LRRC53: variants seen among roughly 807,000 people sequenced by gnomAD.
LRRC53 encodes the protein leucine-rich repeat-containing protein 53.
A neutral mutation model predicts 13.6 loss-of-function variants in LRRC53; 25 were observed. The observed-to-expected ratio is 1.83, with a 90% confidence interval of 1.34 to 2.56. LRRC53 has a LOEUF of 2.56. Ranked by LOEUF, LRRC53 falls within the 30% of genes most tolerant of loss-of-function variation. The pLI is 0.00. For missense variants in LRRC53, 527 were observed against 275.8 expected (o/e 1.91, Z -6.45); for synonymous variants, 204 against 109.8 (o/e 1.86, Z -5.37).
At chr1:74,509,413 T>C (rs1326089152) in intron 1 of LRRC53, among the ~76,000 whole-genome samples, 1 of 152,208 alleles carries the variant, frequency 6.6e-6, no homozygotes, top group Non-Finnish European at 1.5e-5. Context: ...GAGTACTACA[T>C]AACAATAGAA....
At chr1:74,511,659 A>G (rs768045816) in intron 1 of LRRC53, among the ~76,000 whole-genome samples, 1 of 151,948 alleles carries the variant, frequency 6.6e-6, no homozygotes, top group Non-Finnish European at 1.5e-5. Flanking sequence ...GTCCTGGGGG[A>G]ATTCACAGTT....
At chr1:74,525,031 G>A in the LRRC53 span, among the ~76,000 whole-genome samples, 1 of 152,176 alleles carries the variant, frequency 6.6e-6, no homozygotes, top group Non-Finnish European at 1.5e-5. Flanking sequence ...TGGGCTATGA[G>A]CTGGACACTG....
upstream of LRRC53, among the ~76,000 whole-genome samples, chr1:74,515,843 A>C (rs1203236592): frequency 6.6e-6 from 1 of 152,212 alleles, no homozygotes; most frequent in African/African-American, 2.4e-5. Flanking sequence ...ATTTCTTTAG[A>C]CTGGAGATCA....
the LRRC53 span, among the ~76,000 whole-genome samples, chr1:74,535,674 T>C: frequency 6.6e-6 from 1 of 152,154 alleles, no homozygotes; most frequent in South Asian, 2.1e-4. Flanking sequence ...TTTTGGACAG[T>C]TCTAATCTTA....
At chr1:74,492,635 A>C (rs1415367090) in intron 1 of LRRC53, among the ~76,000 whole-genome samples, 2 of 152,196 alleles carry the variant, frequency 1.3e-5, no homozygotes, top group East Asian at 3.9e-4. Context: ...GCGTTCTAAG[A>C]ATTACCATAT....
At chr1:74,491,008 AGATAT>A (rs1428269907) in intron 1 of LRRC53, among the ~76,000 whole-genome samples, 14 of 152,328 alleles carry the variant, frequency 9.2e-5, no homozygotes, top group African/African-American at 3.1e-4. Context: ...GCAAAATAAA[AGATAT>A]GATTAGTCTT....
At chr1:74,473,124 T>G (rs992080568) in intron 4 of LRRC53, among the ~76,000 whole-genome samples, 1 of 152,120 alleles carries the variant, frequency 6.6e-6, no homozygotes, top group Non-Finnish European at 1.5e-5. Context: ...AGTAATACCA[T>G]TAATTGAGCA....
At chr1:74,475,885 C>T (rs1668181272) in intron 3 of LRRC53, 75 bp from the exon 4 acceptor site, 2 of 532,992 alleles carry the variant, frequency 3.8e-6, no homozygotes, top group Admixed American at 6.9e-5. Flanking sequence ...GTAAAAACCA[C>T]AAATATAAAG....
In LRRC53 at chr1:74,471,577, G is replaced by A. The variant is rs769620540; in HGVS notation, c.2045C>T (p.Thr682Ile). 2.5e-6 allele frequency: 1 copy of A among 400,574 alleles called. No individual in the cohort carries two copies. The highest frequency in any genetic ancestry group is 2.1e-5 in the African/African-American group (1 of 48,658). The allele number at this position is 400,574 out of a possible 1,614,324, so 24.8% of individuals were successfully genotyped here. A position where few individuals can be genotyped will look rare whatever the true frequency, so the allele number is the denominator to read the frequency against. Residue 682 changes from threonine to isoleucine, a missense_variant, in exon 5 of 5, where the codon ACT becomes ATT. Transcript: ENST00000294635. ...TKLDVKKFSN[T>I]GERNKGEKWF... ...TTTTTCTCCTTTGTTTCTCTCCCCA[G>A]TGTTGCTAAATTTTTTAACATCCAA...
chr1:74,492,143 C>T, intron 1 of LRRC53: 1 of 1,612,894 alleles, frequency 6.2e-7, no homozygotes. Context: ...CTCTCACCTT[C>T]TTCTTCTTCT....
At chr1:74,494,366 A>G (rs17605984) in intron 1 of LRRC53, among the ~76,000 whole-genome samples, 3,168 of 152,296 alleles carry the variant, frequency 0.021, 52 homozygotes, top group Admixed American at 0.037. Flanking sequence ...CTATGAAGAG[A>G]TGGGACTCTG....
chr1:74,500,235 C>T (rs574250510), intron 1 of LRRC53, among the ~76,000 whole-genome samples: 1 of 152,044 alleles, frequency 6.6e-6, no homozygotes, highest in Admixed American at 6.5e-5. Context: ...TTTTATACAA[C>T]TATGTTTTAT....
chr1:74,485,478 G>A lies in LRRC53; in HGVS notation c.-26-2103C>T, dbSNP rs149685359. ...CCAGGATCTCCTCTCATTCTCTACT[G>A]CGTATTTGTGATAAGCAGGATTCTA... On this transcript the variant is annotated intron_variant, in intron 1 of 4. Transcript: ENST00000294635. Among the ~76,000 whole-genome samples the A allele has an allele frequency of 2.1e-3, 324 of 152,250 alleles. 1 individual carries two copies. The highest frequency in any genetic ancestry group is 7.1e-3 in the African/African-American group (294 of 41,552).
the LRRC53 span, among the ~76,000 whole-genome samples, chr1:74,530,656 G>T: frequency 6.6e-6 from 1 of 152,008 alleles, no homozygotes; most frequent in Non-Finnish European, 1.5e-5. Context: ...TTGGTAAGAT[G>T]GTAGGTGGGA....
chr1:74,484,717 G>A (rs890061952), intron 1 of LRRC53, among the ~76,000 whole-genome samples: 2 of 152,082 alleles, frequency 1.3e-5, no homozygotes, highest in South Asian at 2.1e-4. Context: ...AGGAAGAGTA[G>A]GGCACAGAAT....
chr1:74,486,479 T>A (rs766595429), intron 1 of LRRC53, among the ~76,000 whole-genome samples: 4 of 146,692 alleles, frequency 2.7e-5, no homozygotes, highest in Non-Finnish European at 5.9e-5. Context: ...ACATCATCAC[T>A]TTTTTTGTGT....
intron 4 of LRRC53, among the ~76,000 whole-genome samples, chr1:74,474,135 T>C (rs570379439): frequency 3.3e-5 from 5 of 152,258 alleles, no homozygotes; most frequent in South Asian, 4.1e-4. Context: ...GGGTTTTAAA[T>C]GGTTAAAAGA....
upstream of LRRC53, among the ~76,000 whole-genome samples, chr1:74,515,468 A>T (rs1010471561): frequency 6.6e-6 from 1 of 152,222 alleles, no homozygotes; most frequent in African/African-American, 2.4e-5. Context: ...GCCAATACAT[A>T]TAGAAATGAT....
chr1:74,481,250 C>T (rs1034220175), intron 2 of LRRC53, among the ~76,000 whole-genome samples: 5 of 152,078 alleles, frequency 3.3e-5, no homozygotes, highest in East Asian at 1.9e-4. Context: ...TTCATTGTTT[C>T]GGATTATCTT....
Sources: allele counts gnomAD v4.1 joint callset (sites outside exome capture counted in the v4.1 genomes callset), GRCh38; gene constraint gnomAD v4.1.1; transcripts MANE v1.5; gene names NCBI Gene and HGNC (gene_info 2026-07-23, HGNC 2026-07-21).